The following USP47 variants were observed in gnomAD, a reference collection of about 807,000 sequenced individuals.
USP47 encodes ubiquitin specific peptidase 47.
In USP47, 35 loss-of-function variants were observed where a neutral mutation model predicts 165.1. That is an observed-to-expected ratio of 0.21 (90% CI 0.16 to 0.28). USP47 has a LOEUF of 0.28. Ranked by LOEUF, USP47 falls within the 10% of genes least tolerant of loss-of-function variation. USP47 has a pLI of 1.00. For synonymous variants in USP47, 531 were observed against 544.5 expected (o/e 0.98, Z 0.35); for missense variants, 1,277 against 1,607.4 (o/e 0.79, Z 3.52).
chr11:11,846,979 G>A (rs937186098), intron 1 of USP47, among the ~76,000 whole-genome samples: 10 of 152,032 alleles, frequency 6.6e-5, no homozygotes, highest in African/African-American at 2.4e-4. Context: ...AAATTGGAGT[G>A]TTTAATAAAA....
chr11:11,881,114 C>T (rs1465343037), intron 2 of USP47, among the ~76,000 whole-genome samples: 1 of 151,950 alleles, frequency 6.6e-6, no homozygotes, highest in Non-Finnish European at 1.5e-5. Flanking sequence ...ATTTTCTGCT[C>T]ATCTTTATAT....
At chr11:11,909,295 T>C (rs74566439) in intron 8 of USP47, among the ~76,000 whole-genome samples, 2,658 of 152,302 alleles carry the variant, frequency 0.017, 59 homozygotes, top group East Asian at 0.083. Context: ...ATTTTGCTCT[T>C]AATGACTTAT....
At chr11:11,883,784 A>G (rs1379928135) in intron 2 of USP47, among the ~76,000 whole-genome samples, 1 of 152,152 alleles carries the variant, frequency 6.6e-6, no homozygotes, top group African/African-American at 2.4e-5. Context: ...GCCCTACCAT[A>G]TAAGTTAGGT....
intron 4 of USP47, 95 bp from the exon 5 acceptor site, chr11:11,897,502 C>A (rs1851922195): frequency 1.1e-6 from 1 of 938,182 alleles, no homozygotes; most frequent in South Asian, 2.0e-5. Context: ...GTAACTTTAA[C>A]CTCTGAATCT....
At chr11:11,853,826 C>T (rs1848863910) in intron 1 of USP47, among the ~76,000 whole-genome samples, 1 of 152,110 alleles carries the variant, frequency 6.6e-6, no homozygotes, top group African/African-American at 2.4e-5. Context: ...AAAACATGCT[C>T]TTAAAATCCT....
At chr11:11,946,551 C>T (rs530146540) in intron 20 of USP47, among the ~76,000 whole-genome samples, 137 of 152,256 alleles carry the variant, frequency 9.0e-4, no homozygotes, top group Non-Finnish European at 1.6e-3. Flanking sequence ...GATGACCTGC[C>T]TACAGCCATT....
intron 8 of USP47, among the ~76,000 whole-genome samples, chr11:11,918,021 A>C (rs565541311): frequency 2.6e-5 from 4 of 152,276 alleles, no homozygotes; most frequent in African/African-American, 9.6e-5. Context: ...CAGATTGCTT[A>C]TTAGCCGCGA....
chr11:11,925,359 C>T (rs950919163), intron 11 of USP47, among the ~76,000 whole-genome samples: 1 of 152,080 alleles, frequency 6.6e-6, no homozygotes, highest in African/African-American at 2.4e-5. Context: ...CCACCCACCT[C>T]GGCCTCCCAC....
At chr11:11,883,765 G>A (rs1850982423) in intron 2 of USP47, among the ~76,000 whole-genome samples, 1 of 152,152 alleles carries the variant, frequency 6.6e-6, no homozygotes, top group Admixed American at 6.5e-5. Flanking sequence ...GACAGCTAGA[G>A]TTGAAATTGC....
intron 8 of USP47, among the ~76,000 whole-genome samples, chr11:11,910,270 AG>A (rs1852868543): frequency 6.6e-6 from 1 of 152,178 alleles, no homozygotes; most frequent in Admixed American, 6.6e-5. Context: ...CACGGTGGTG[AG>A]TTCCATGGGT....
rs763291892 is a variant in USP47 at position 11,947,935 on chromosome 11, T to G, written c.3092-10T>G. On this transcript the variant is annotated splice_polypyrimidine_tract_variant and intron_variant, in intron 20 of 27. Transcript: ENST00000527733. ...TTTTGTTCCTGTTTTGGTTTTTTTT[T>G]TGTGCTTAGGGTTGATGGTGCATGT... 9.9e-5 allele frequency: 156 copies of G among 1,572,720 alleles called. 1 individual carries two copies. The highest frequency in any genetic ancestry group is 1.7e-4 in the Middle Eastern group (1 of 5,852).
intron 19 of USP47, among the ~76,000 whole-genome samples, chr11:11,941,080 A>C (rs905858647): frequency 1.3e-5 from 2 of 151,814 alleles, no homozygotes; most frequent in Non-Finnish European, 2.9e-5. Context: ...TCTTGCTATT[A>C]TTATGTGTTT....
intron 11 of USP47, among the ~76,000 whole-genome samples, 193 bp from the exon 12 acceptor site, chr11:11,929,241 A>T (rs533463001): frequency 2.6e-5 from 4 of 152,206 alleles, no homozygotes; most frequent in Admixed American, 2.0e-4. Context: ...CACTGATGAA[A>T]CTTGTGTAAC....
rs752575091 is a variant in USP47 at position 11,952,794 on chromosome 11, A to G, written c.3637A>G (p.Lys1213Glu). The part of the protein sequence containing the change: ...SQLAVLSRRW[K>E]PSEMKLDPFQ... Reference sequence around the variant, plus strand: ...GCTTGCAGTTTTGTCAAGACGGTGGAAGCCTTCAGAGATGAAGTTGGATCC... The same window carrying G: ...GCTTGCAGTTTTGTCAAGACGGTGGGAGCCTTCAGAGATGAAGTTGGATCC... The change falls in exon 25 of 28, where the codon AAG (lysine) becomes GAG (glutamate). Residue 1213 changes from lysine to glutamate, a missense_variant. Physicochemically the swap from Lys to Glu is moderately conservative, Grantham distance 56. Around this residue, in one of 4 missense-constraint regions of USP47, gnomAD observed 909 missense variants for 1,068.1 expected, o/e 0.85. Coordinates refer to ENST00000527733, the MANE Select transcript of USP47 (RefSeq NM_001282659.2). 5.6e-6 allele frequency: 9 copies of G among 1,613,242 alleles called. No homozygotes were observed. The highest frequency in any genetic ancestry group is 2.2e-5 in the South Asian group (2 of 91,020).
At chr11:11,865,098 T>G (rs558742141) in intron 1 of USP47, among the ~76,000 whole-genome samples, 57 of 152,328 alleles carry the variant, frequency 3.7e-4, no homozygotes, top group Middle Eastern at 3.4e-3. Flanking sequence ...TCTTTAGTTC[T>G]TAAGGGATTT....
At chr11:11,870,282 C>T (rs1052171359) in intron 1 of USP47, among the ~76,000 whole-genome samples, 2 of 151,512 alleles carry the variant, frequency 1.3e-5, no homozygotes, top group Admixed American at 6.6e-5. Flanking sequence ...CCTTATTTCC[C>T]TTCATGTATT....
At chr11:11,850,102 G>A (rs1291504477) in intron 1 of USP47, among the ~76,000 whole-genome samples, 1 of 151,614 alleles carries the variant, frequency 6.6e-6, no homozygotes, top group Admixed American at 6.5e-5. Context: ...TTATATGTCT[G>A]TTTTTTTAAT....
intron 2 of USP47, among the ~76,000 whole-genome samples, chr11:11,882,277 T>G (rs908343613): frequency 6.6e-6 from 1 of 152,178 alleles, no homozygotes; most frequent in African/African-American, 2.4e-5. Context: ...GTCTTAAGTT[T>G]TCCAGAAAAA....
intron 3 of USP47, among the ~76,000 whole-genome samples, chr11:11,891,057 C>T (rs182279593): frequency 6.6e-6 from 1 of 152,232 alleles, no homozygotes; most frequent in East Asian, 1.9e-4. Context: ...GACTTAATAC[C>T]TAGGTGATGG....
Sources: allele counts gnomAD v4.1 joint callset (sites outside exome capture counted in the v4.1 genomes callset), GRCh38; gene constraint gnomAD v4.1.1; regional missense constraint gnomAD v4.1.1; transcripts MANE v1.5; gene names NCBI Gene and HGNC (gene_info 2026-07-23, HGNC 2026-07-21).